The following ADGRB3 variants were observed in gnomAD, a reference collection of about 807,000 sequenced individuals.
The protein encoded by ADGRB3 is adhesion G protein-coupled receptor B3.
ADGRB3 carries 37 observed loss-of-function variants against 193.4 expected under a neutral mutation model. The observed-to-expected ratio is 0.19, with a 90% confidence interval of 0.15 to 0.25. The LOEUF (loss-of-function observed/expected upper bound fraction) is 0.25. ADGRB3 is among the 10% of genes least tolerant of loss of function. The pLI is 1.00. For missense variants in ADGRB3, 1,637 were observed against 1,852.9 expected (o/e 0.88, Z 2.14); for synonymous variants, 690 against 644.2 (o/e 1.07, Z -1.08).
At chr6:68,645,884 G>C (rs1006883181) in intron 3 of ADGRB3, among the ~76,000 whole-genome samples, 7 of 151,844 alleles carry the variant, frequency 4.6e-5, no homozygotes, top group Non-Finnish European at 8.8e-5. Flanking sequence ...ATGTTAGCCA[G>C]GCTGGTCTCA....
At chr6:68,985,679 C>T (rs1213407789) in intron 10 of ADGRB3, among the ~76,000 whole-genome samples, 1 of 152,116 alleles carries the variant, frequency 6.6e-6, no homozygotes, top group East Asian at 1.9e-4. Context: ...CAGAGCCTCC[C>T]TGATGATGTG....
chr6:68,818,423 C>T (rs2127379154), intron 3 of ADGRB3, among the ~76,000 whole-genome samples: 1 of 152,122 alleles, frequency 6.6e-6, no homozygotes, highest in South Asian at 2.1e-4. Flanking sequence ...CTTTCCCCTT[C>T]CCAACCCTCC....
intron 15 of ADGRB3, among the ~76,000 whole-genome samples, chr6:69,060,244 C>CTCTCTCTG (rs1266973584): frequency 1.3e-5 from 2 of 151,350 alleles, no homozygotes; most frequent in African/African-American, 2.4e-5. Flanking sequence ...CTCTCTCTCT[C>CTCTCTCTG]TCTCTCCTCC....
Position 69,346,391 on chromosome 6 carries a change from T to C in ADGRB3, c.3459+6887T>C, listed in dbSNP as rs576598785. Among the ~76,000 whole-genome samples, 16 of 152,160 alleles carry C rather than the reference T, an allele frequency of 1.1e-4. No individual in the cohort carries two copies. The South Asian group carries it at 3.1e-3, about 30-fold the overall frequency. On this transcript the variant is annotated intron_variant, in intron 26 of 31. Transcript: ENST00000370598. The stretch of plus-strand genomic sequence containing the variant: ...CATGGTACTGGTACCAAAACAGATA[T>C]ATAGACTAATGGAACAGAACTGAGG...
At chr6:69,041,208 A>T (rs1771058738) in intron 13 of ADGRB3, among the ~76,000 whole-genome samples, 1 of 152,190 alleles carries the variant, frequency 6.6e-6, no homozygotes, top group Admixed American at 6.5e-5. Flanking sequence ...ATAATAATAG[A>T]TGAGGAGAGT....
chr6:69,284,671 A>C (rs796873299), intron 20 of ADGRB3, among the ~76,000 whole-genome samples: 11 of 152,158 alleles, frequency 7.2e-5, no homozygotes, highest in African/African-American at 2.4e-4. Context: ...CCTAAAAAAA[A>C]CCTTGATTTT....
chr6:68,645,297 A>G (rs1195220886), intron 3 of ADGRB3, among the ~76,000 whole-genome samples: 1 of 152,128 alleles, frequency 6.6e-6, no homozygotes, highest in Non-Finnish European at 1.5e-5. Context: ...GTAGGCTAGT[A>G]ATGCTTATTT....
At chr6:69,061,330 A>AT (rs1375448768) in intron 15 of ADGRB3, among the ~76,000 whole-genome samples, 4 of 151,864 alleles carry the variant, frequency 2.6e-5, no homozygotes, top group South Asian at 2.1e-4. Flanking sequence ...ATAACTCCGC[A>AT]TTTTTTTCTG....
intron 8 of ADGRB3, among the ~76,000 whole-genome samples, chr6:68,966,304 T>C (rs1768379341): frequency 6.6e-6 from 1 of 152,162 alleles, no homozygotes; most frequent in Admixed American, 6.6e-5. Context: ...GCTCTCTTTC[T>C]TTCAACCCTT....
intron 20 of ADGRB3, among the ~76,000 whole-genome samples, chr6:69,283,815 G>A (rs550618625): frequency 2.4e-4 from 36 of 152,186 alleles, no homozygotes; most frequent in African/African-American, 5.8e-4. Context: ...AAGCAAGTGC[G>A]GCATTAGCAT....
At chr6:69,089,935 T>G (rs999625682) in intron 17 of ADGRB3, among the ~76,000 whole-genome samples, 1 of 152,192 alleles carries the variant, frequency 6.6e-6, no homozygotes, top group Non-Finnish European at 1.5e-5. Flanking sequence ...GAACCATTGA[T>G]ATAGGGGAAC....
chr6:69,159,263 A>G (rs554563062), intron 17 of ADGRB3, among the ~76,000 whole-genome samples: 1 of 152,214 alleles, frequency 6.6e-6, no homozygotes, highest in South Asian at 2.1e-4. Flanking sequence ...AGTAGAATTT[A>G]TGTGTTCCAA....
chr6:68,887,197 ATTGCCT>A (rs1765934710), intron 3 of ADGRB3, among the ~76,000 whole-genome samples: 1 of 151,946 alleles, frequency 6.6e-6, no homozygotes, highest in African/African-American at 2.4e-5. Context: ...ATATTTTCAA[ATTGCCT>A]TATATAGTTC....
At chr6:68,914,768 G>A (rs1766828997) in intron 3 of ADGRB3, among the ~76,000 whole-genome samples, 1 of 152,194 alleles carries the variant, frequency 6.6e-6, no homozygotes, top group East Asian at 1.9e-4. Flanking sequence ...TGTTAGAGAG[G>A]AAGCAGTATG....
At position 69,086,746 on chromosome 6, in the gene ADGRB3, G is replaced by A. The variant is rs151245935; in HGVS notation, c.2480+10708G>A. On this transcript the variant is annotated intron_variant, in intron 17 of 31. Coordinates refer to ENST00000370598, the MANE Select transcript of ADGRB3 (RefSeq NM_001704.3). ...ATTTAAAGAAATAACATTGGTTATT[G>A]ATTAGACATATATCATTATGGTTTA... 5.1e-4 allele frequency among the ~76,000 whole-genome samples: 77 copies of A among 152,216 alleles called. 1 individual carries two copies. Among genetic ancestry groups the A allele is most frequent in the African/African-American group, 1.8e-3 (73 of 41,552 alleles).
At chr6:68,645,918 C>A (rs928424923) in intron 3 of ADGRB3, among the ~76,000 whole-genome samples, 1 of 151,966 alleles carries the variant, frequency 6.6e-6, no homozygotes, top group Non-Finnish European at 1.5e-5. Flanking sequence ...AGGTGATCCA[C>A]CTGCCTCGGC....
chr6:69,079,321 G>A (rs1389901037), intron 17 of ADGRB3, among the ~76,000 whole-genome samples: 1 of 151,876 alleles, frequency 6.6e-6, no homozygotes, highest in East Asian at 1.9e-4. Flanking sequence ...ATTGTAAATC[G>A]GAGAATATTT....
At chr6:69,359,545 C>T (rs1769407858) in intron 28 of ADGRB3, among the ~76,000 whole-genome samples, 1 of 151,722 alleles carries the variant, frequency 6.6e-6, no homozygotes, top group African/African-American at 2.4e-5. Flanking sequence ...ACAGATATTA[C>T]ATGAATGATT....
At position 69,280,557 on chromosome 6, in the gene ADGRB3, A is replaced by G. The variant is rs147543132; in HGVS notation, c.2814+41331A>G. 2.6e-5 allele frequency among the ~76,000 whole-genome samples: 4 copies of G among 152,320 alleles called. No homozygotes were observed. In the East Asian group the frequency reaches 7.7e-4, roughly 29 times the overall value. ...GAATAATAGTAATAAATAGATAATAATAAATCTACTTCACGGCAATATTGT... is the reference window on the plus strand; with the variant it reads ...GAATAATAGTAATAAATAGATAATAGTAAATCTACTTCACGGCAATATTGT... On this transcript the variant is annotated intron_variant, in intron 20 of 31. Transcript: ENST00000370598.
Sources: allele counts gnomAD v4.1 joint callset (sites outside exome capture counted in the v4.1 genomes callset), GRCh38; gene constraint gnomAD v4.1.1; transcripts MANE v1.5; gene names NCBI Gene and HGNC (gene_info 2026-07-23, HGNC 2026-07-21).